CSMD3: variants seen among roughly 807,000 people sequenced by gnomAD.
The protein encoded by CSMD3 is CUB and Sushi multiple domains 3.
In CSMD3, 177 loss-of-function variants were observed where a neutral mutation model predicts 435.2. That is an observed-to-expected ratio of 0.41 (90% CI 0.36 to 0.46). The LOEUF (loss-of-function observed/expected upper bound fraction) is 0.46. Ranked by LOEUF, CSMD3 falls within the 20% of genes least tolerant of loss-of-function variation. CSMD3 has a pLI of 0.34. For missense variants in CSMD3, 4,265 were observed against 4,504.6 expected (o/e 0.95, Z 1.52); for synonymous variants, 1,656 against 1,520.5 (o/e 1.09, Z -2.07).
chr8:113,210,450 CG>C (rs1342463480), intron 3 of CSMD3, among the ~76,000 whole-genome samples: 1 of 151,694 alleles, frequency 6.6e-6, no homozygotes, highest in Admixed American at 6.6e-5. Context: ...ACATTAAATA[CG>C]AAAAATATCA....
At chr8:112,859,393 T>C in intron 10 of CSMD3, 127 bp from the exon 11 acceptor site, 4 of 804,180 alleles carry the variant, frequency 5.0e-6, no homozygotes, top group South Asian at 4.4e-5. Flanking sequence ...ATATATATTA[T>C]GGTATTCTAA....
At chr8:113,072,276 T>C (rs2089155053) in intron 5 of CSMD3, among the ~76,000 whole-genome samples, 1 of 151,818 alleles carries the variant, frequency 6.6e-6, no homozygotes, top group African/African-American at 2.4e-5. Context: ...CTTATTTAGA[T>C]GTTTTCTTTT....
At chr8:112,262,981 G>A (rs1357121576) in intron 61 of CSMD3, among the ~76,000 whole-genome samples, 1 of 152,058 alleles carries the variant, frequency 6.6e-6, no homozygotes, top group Non-Finnish European at 1.5e-5. Flanking sequence ...ACTAGGAACA[G>A]GATAATGCTA....
At chr8:112,658,443 G>A (rs1008508922) in intron 17 of CSMD3, among the ~76,000 whole-genome samples, 3 of 152,140 alleles carry the variant, frequency 2.0e-5, no homozygotes, top group African/African-American at 4.8e-5. Flanking sequence ...CATATGACAC[G>A]TTAGTCAAAA....
At chr8:113,048,774 CTG>C (rs2087953796) in intron 5 of CSMD3, among the ~76,000 whole-genome samples, 1 of 152,062 alleles carries the variant, frequency 6.6e-6, no homozygotes, top group African/African-American at 2.4e-5. Context: ...TTCCCTTGTC[CTG>C]TGTCTACCTT....
intron 3 of CSMD3, among the ~76,000 whole-genome samples, chr8:113,190,311 A>G (rs1366928472): frequency 2.0e-5 from 3 of 151,884 alleles, no homozygotes; most frequent in Non-Finnish European, 4.4e-5. Context: ...AATGCATGTA[A>G]TATTTACCAC....
At chr8:113,075,325 A>G (rs2089293967) in intron 5 of CSMD3, among the ~76,000 whole-genome samples, 1 of 151,820 alleles carries the variant, frequency 6.6e-6, no homozygotes, top group African/African-American at 2.4e-5. Flanking sequence ...AGAAGAAATC[A>G]TTTATTTGGG....
chr8:112,885,853 TTCA>T (rs1285441440), intron 10 of CSMD3, among the ~76,000 whole-genome samples: 1 of 151,708 alleles, frequency 6.6e-6, no homozygotes, highest in Non-Finnish European at 1.5e-5. Context: ...TCACTATCTG[TTCA>T]TCATCCTAGG....
chr8:112,411,766 T>A (rs536638376), intron 32 of CSMD3, among the ~76,000 whole-genome samples: 1 of 152,234 alleles, frequency 6.6e-6, no homozygotes, highest in African/African-American at 2.4e-5. Flanking sequence ...TTATTTAGTT[T>A]TTTAAGGTGC....
chr8:112,984,043 T>A (rs1489265493), intron 6 of CSMD3, among the ~76,000 whole-genome samples: 1 of 151,992 alleles, frequency 6.6e-6, no homozygotes, highest in African/African-American at 2.4e-5. Context: ...ATACCAATTT[T>A]GGCTTAGAAA....
intron 38 of CSMD3, among the ~76,000 whole-genome samples, chr8:112,379,288 G>A (rs1466140008): frequency 6.6e-6 from 1 of 152,128 alleles, no homozygotes; most frequent in African/African-American, 2.4e-5. Context: ...TGACCAACAT[G>A]GTGAAACCCT....
At chr8:113,160,698 C>T (rs375274072) in intron 4 of CSMD3, among the ~76,000 whole-genome samples, 113 of 152,066 alleles carry the variant, frequency 7.4e-4, no homozygotes, top group African/African-American at 2.6e-3. Flanking sequence ...TAAAAGAACG[C>T]ATAAAGATAA....
At chr8:113,371,726 A>G (rs1002273127) in intron 1 of CSMD3, among the ~76,000 whole-genome samples, 1 of 152,134 alleles carries the variant, frequency 6.6e-6, no homozygotes, top group Non-Finnish European at 1.5e-5. Flanking sequence ...GCAGGGAAGA[A>G]TAGTGTCAGC....
At chr8:112,929,502 T>G (rs954747825) in intron 9 of CSMD3, among the ~76,000 whole-genome samples, 2 of 152,148 alleles carry the variant, frequency 1.3e-5, no homozygotes, top group African/African-American at 4.8e-5. Flanking sequence ...AGATAAATAC[T>G]TGTCACTATA....
At chr8:112,373,716 G>A (rs1488656623) in intron 38 of CSMD3, among the ~76,000 whole-genome samples, 1 of 152,090 alleles carries the variant, frequency 6.6e-6, no homozygotes, top group African/African-American at 2.4e-5. Context: ...TCTCTACCAA[G>A]AGAAGCCTAC....
chr8:112,849,464 T>C (rs1228823366), intron 11 of CSMD3, among the ~76,000 whole-genome samples: 1 of 152,020 alleles, frequency 6.6e-6, no homozygotes, highest in African/African-American at 2.4e-5. Flanking sequence ...TACATGTTTA[T>C]ATTGGAAGAA....
intron 11 of CSMD3, among the ~76,000 whole-genome samples, chr8:112,836,280 G>A (rs547639021): frequency 6.6e-6 from 1 of 151,936 alleles, no homozygotes; most frequent in Admixed American, 6.6e-5. Context: ...AACCAAAGGG[G>A]AAAATGTGGC....
At position 112,650,175 on chromosome 8, in the gene CSMD3, A is replaced by G. The variant is rs1347253620; in HGVS notation, c.3179T>C (p.Leu1060Pro). 2 of 1,611,314 alleles carry G rather than the reference A, an allele frequency of 1.2e-6. No homozygotes were observed. Among genetic ancestry groups the G allele is most frequent in the South Asian group, 1.1e-5 (1 of 91,020 alleles). The change falls in exon 19 of 71, where the codon CTT becomes CCT. Residue 1060 changes from leucine to proline, a missense_variant. Leu to Pro is a moderately conservative substitution (Grantham distance 98). Transcript: ENST00000297405. ...TGAGTTATTACCATCACAGGTTGGA[A>G]GTGGATGACTCCACCAGTGGTTTTT... ...CEKNHWWSHP[L>P]PTCDALCGGD...
chr8:112,231,989 T>A (rs58225471), intron 68 of CSMD3, among the ~76,000 whole-genome samples: 2 of 152,034 alleles, frequency 1.3e-5, no homozygotes, highest in Non-Finnish European at 2.9e-5. Context: ...ACATCCCCAC[T>A]CTCCCAACCT....
Sources: allele counts gnomAD v4.1 joint callset (sites outside exome capture counted in the v4.1 genomes callset), GRCh38; gene constraint gnomAD v4.1.1; transcripts MANE v1.5; gene names NCBI Gene and HGNC (gene_info 2026-07-23, HGNC 2026-07-21).